The following CERS6 variants were observed in gnomAD, a reference collection of about 807,000 sequenced individuals.
The protein encoded by CERS6 is LAG1 homolog, ceramide synthase 6.
A neutral mutation model predicts 56.8 loss-of-function variants in CERS6; 26 were observed. The ratio of observed to expected loss-of-function variants is 0.46; its 90% CI spans 0.34 to 0.63. CERS6 has a LOEUF of 0.63. CERS6 is among the 30% of genes least tolerant of loss of function. The probability of loss-of-function intolerance (pLI) is 0.01; values close to 1 mark genes in which losing one functional copy is unlikely to be tolerated. For missense variants in CERS6, 415 were observed against 467.5 expected, an observed-to-expected ratio of 0.89 and a Z score of 1.04; for synonymous variants, 164 against 173.3, an observed-to-expected ratio of 0.95 and a Z score of 0.42.
At chr2:168,596,432 C>T (rs1248843176) in intron 3 of CERS6, among the ~76,000 whole-genome samples, 7 of 152,150 alleles carry the variant, frequency 4.6e-5, no homozygotes, top group East Asian at 3.9e-4. Context: ...AGATGAATGG[C>T]TTTGGCAGAA....
chr2:168,490,227 A>G (rs765762581), intron 1 of CERS6, among the ~76,000 whole-genome samples: 3 of 152,122 alleles, frequency 2.0e-5, no homozygotes, highest in Non-Finnish European at 4.4e-5. Context: ...GTGCTGATTC[A>G]TGTTCAGAAT....
chr2:168,682,011 A>G (rs57373928), intron 4 of CERS6, among the ~76,000 whole-genome samples: 3,012 of 152,268 alleles, frequency 0.02, 99 homozygotes, highest in African/African-American at 0.069. Context: ...GTGTATACAT[A>G]CCATTTTTAA....
chr2:168,703,851 A>G (rs1164227309), intron 6 of CERS6, among the ~76,000 whole-genome samples: 5 of 152,184 alleles, frequency 3.3e-5, no homozygotes, highest in Non-Finnish European at 7.3e-5. Context: ...CCTCTGAGGT[A>G]GATATTCCCA....
chr2:168,473,190 G>A (rs1215317810), intron 1 of CERS6, among the ~76,000 whole-genome samples: 1 of 151,752 alleles, frequency 6.6e-6, no homozygotes, highest in Non-Finnish European at 1.5e-5. Context: ...AATATTATTA[G>A]TTTTTTCCAT....
chr2:168,530,506 T>C (rs1695147654), intron 1 of CERS6, among the ~76,000 whole-genome samples: 1 of 152,270 alleles, frequency 6.6e-6, no homozygotes, highest in African/African-American at 2.4e-5. Context: ...ATTGTTCTTC[T>C]ACAATTTGAT....
chr2:168,623,521 A>G (rs1486285965), intron 3 of CERS6, among the ~76,000 whole-genome samples: 1 of 152,212 alleles, frequency 6.6e-6, no homozygotes, highest in East Asian at 1.9e-4. Flanking sequence ...TTTGGCTAAA[A>G]GCTCATGGGA....
chr2:168,458,747 T>C (rs1693724613), intron 1 of CERS6, among the ~76,000 whole-genome samples: 1 of 152,262 alleles, frequency 6.6e-6, no homozygotes, highest in African/African-American at 2.4e-5. Context: ...AGAATGCTAC[T>C]GACTTTTGGA....
chr2:168,679,652 A>G (rs765292305), intron 4 of CERS6, among the ~76,000 whole-genome samples: 3 of 152,328 alleles, frequency 2.0e-5, no homozygotes, highest in Non-Finnish European at 2.9e-5. Flanking sequence ...TACCTCGCTC[A>G]CACACAGATA....
chr2:168,528,787 G>A (rs1467934583), intron 1 of CERS6, among the ~76,000 whole-genome samples: 1 of 152,218 alleles, frequency 6.6e-6, no homozygotes, highest in African/African-American at 2.4e-5. Flanking sequence ...TTTCTAATAG[G>A]TTTGGGAGTA....
At chr2:168,469,432 A>G (rs554487692) in intron 1 of CERS6, among the ~76,000 whole-genome samples, 7 of 152,336 alleles carry the variant, frequency 4.6e-5, no homozygotes, top group African/African-American at 1.7e-4. Context: ...AGATGAAACC[A>G]CAATGCTGTA....
intron 4 of CERS6, among the ~76,000 whole-genome samples, chr2:168,680,240 G>A (rs1686176945): frequency 2.6e-5 from 4 of 152,224 alleles, no homozygotes; most frequent in Non-Finnish European, 5.9e-5. Flanking sequence ...TGGCTGGGAA[G>A]AGTGGACTTA....
At chr2:168,743,147 CAT>C (rs148464862) in intron 8 of CERS6, among the ~76,000 whole-genome samples, 24 of 146,010 alleles carry the variant, frequency 1.6e-4, no homozygotes, top group East Asian at 4.0e-4. Context: ...TGTCTATATT[CAT>C]ATATATATAT....
rs182284003 is a variant in CERS6 at position 168,729,655 on chromosome 2, G to T, written c.845+11677G>T. Among the ~76,000 whole-genome samples the T allele has an allele frequency of 2.4e-3, 358 of 152,314 alleles. 1 individual carries two copies. Among genetic ancestry groups the T allele is most frequent in the African/African-American group, 8.0e-3 (334 of 41,554 alleles). ...CAGGCCACGCTGGCTGTGTCCTTTA[G>T]TTGGCAGAACCTCTTCCATGCCTCT... On this transcript the variant is annotated intron_variant, in intron 8 of 9. Coordinates refer to ENST00000305747, the MANE Select transcript of CERS6 (RefSeq NM_203463.3).
intron 1 of CERS6, among the ~76,000 whole-genome samples, chr2:168,531,442 C>T (rs975942448): frequency 1.3e-5 from 2 of 152,106 alleles, no homozygotes; most frequent in Non-Finnish European, 2.9e-5. Context: ...GGCAGTTGGA[C>T]CAAATGACAT....
chr2:168,619,014 A>T (rs908065385), intron 3 of CERS6, among the ~76,000 whole-genome samples: 4 of 152,232 alleles, frequency 2.6e-5, no homozygotes, highest in African/African-American at 9.6e-5. Context: ...ATAAAAATAG[A>T]TACATAGACC....
At chr2:168,669,127 A>G (rs2105336770) in intron 4 of CERS6, among the ~76,000 whole-genome samples, 1 of 152,348 alleles carries the variant, frequency 6.6e-6, no homozygotes, top group South Asian at 2.1e-4. Flanking sequence ...GAAGTCTGAT[A>G]TGATGGTTCC....
chr2:168,509,339 TTTAAG>T (rs1284536170), intron 1 of CERS6, among the ~76,000 whole-genome samples: 1 of 152,196 alleles, frequency 6.6e-6, no homozygotes, highest in East Asian at 1.9e-4. Flanking sequence ...AAAAATCACC[TTTAAG>T]TTAATGCCAT....
At chr2:168,481,708 A>G (rs182036643) in intron 1 of CERS6, among the ~76,000 whole-genome samples, 3 of 152,352 alleles carry the variant, frequency 2.0e-5, no homozygotes, top group Admixed American at 1.3e-4. Context: ...TTAATCTGTT[A>G]TGTAAGTAGG....
chr2:168,464,170 C>CA (rs1558959178), intron 1 of CERS6, among the ~76,000 whole-genome samples: 4 of 75,488 alleles, frequency 5.3e-5, no homozygotes, highest in South Asian at 5.2e-4. Context: ...CATATTTATA[C>CA]TTTTTGTGTG....
Sources: gnomAD v4.1 joint callset for allele counts (sites outside exome capture counted in the v4.1 genomes callset) on GRCh38, gnomAD v4.1.1 for gene constraint, MANE v1.5 for transcripts, NCBI Gene and HGNC (gene_info 2026-07-23, HGNC 2026-07-21) for gene names.